METAP1D: variants seen among roughly 807,000 people sequenced by gnomAD.
METAP1D encodes the protein methionine aminopeptidase 1D, mitochondrial.
In METAP1D, 31 loss-of-function variants were observed where a neutral mutation model predicts 40.5. The ratio of observed to expected loss-of-function variants is 0.77; its 90% CI spans 0.58 to 1.03. The LOEUF (loss-of-function observed/expected upper bound fraction) is 1.03. METAP1D is among the 50% of genes least tolerant of loss of function. METAP1D has a pLI of 0.00. For synonymous variants in METAP1D, 151 were observed against 146.4 expected, an observed-to-expected ratio of 1.03 and a Z score of -0.22; for missense variants, 411 against 420.7, an observed-to-expected ratio of 0.98 and a Z score of 0.20.
At chr2:172,072,845 T>C (rs1312283638) in intron 6 of METAP1D, among the ~76,000 whole-genome samples, 1 of 152,184 alleles carries the variant, frequency 6.6e-6, no homozygotes, top group African/African-American at 2.4e-5. Flanking sequence ...TTCTCCATCA[T>C]GAAAATGGTT....
chr2:172,005,913 T>C (rs1309549705), intron 1 of METAP1D, among the ~76,000 whole-genome samples: 1 of 152,028 alleles, frequency 6.6e-6, no homozygotes. Context: ...CCATTGAAAT[T>C]ATGAAATTTC....
intron 1 of METAP1D, among the ~76,000 whole-genome samples, chr2:172,049,054 G>A (rs1183000688): frequency 6.6e-6 from 1 of 152,086 alleles, no homozygotes; most frequent in Non-Finnish European, 1.5e-5. Context: ...GCGCAATCTT[G>A]GCTCACTGCA....
chr2:172,080,680 C>G lies in METAP1D; in HGVS notation c.*274C>G. 2 of 572,344 alleles carry G rather than the reference C, an allele frequency of 3.5e-6. No homozygotes were observed. Among genetic ancestry groups the G allele is most frequent in the Non-Finnish European group, 6.2e-6 (2 of 321,016 alleles). The allele number at this position is 572,344 out of a possible 1,614,324, so 35.5% of individuals were successfully genotyped here. A position where few individuals can be genotyped will look rare whatever the true frequency, so the allele number is the denominator to read the frequency against. On this transcript the variant is annotated 3_prime_UTR_variant, in exon 10 of 10. Coordinates refer to ENST00000315796, the MANE Select transcript of METAP1D (RefSeq NM_199227.3). ...CGCATCTGGAGGGGACTGGAGGAAACCCCCTTGTTGGAAGAGATTCCAAGA... is the reference window on the plus strand; with the variant it reads ...CGCATCTGGAGGGGACTGGAGGAAAGCCCCTTGTTGGAAGAGATTCCAAGA...
intron 1 of METAP1D, among the ~76,000 whole-genome samples, chr2:172,056,621 T>G (rs1230290753): frequency 6.6e-6 from 1 of 152,186 alleles, no homozygotes; most frequent in Non-Finnish European, 1.5e-5. Context: ...GTTGAATGAA[T>G]GAAGGCATTT....
At chr2:172,075,213 G>T (rs980803327) in intron 6 of METAP1D, among the ~76,000 whole-genome samples, 1 of 152,100 alleles carries the variant, frequency 6.6e-6, no homozygotes, top group East Asian at 1.9e-4. Context: ...CATATAAAAG[G>T]CCTCAAATCA....
chr2:172,002,313 G>A (rs1057146953), intron 1 of METAP1D, among the ~76,000 whole-genome samples: 1 of 151,928 alleles, frequency 6.6e-6, no homozygotes, highest in East Asian at 1.9e-4. Flanking sequence ...TATGTATTAG[G>A]TTGGTACAAA....
In METAP1D at chr2:172,081,758, A is replaced by T. The variant is rs1690722605; in HGVS notation, c.*1352A>T. On this transcript the variant is annotated 3_prime_UTR_variant, in exon 10 of 10. Transcript: ENST00000315796. The stretch of plus-strand genomic sequence containing the variant: ...GGTTTTGCAAAGCTGACATCCCTTA[A>T]AGATAACTTGGGCTTTCGGAAGCGG... 1 of 152,262 alleles carries T rather than the reference A, an allele frequency of 6.6e-6. No homozygotes were observed. Among genetic ancestry groups the T allele is most frequent in the Non-Finnish European group, 1.5e-5 (1 of 68,062 alleles). 9.4% of individuals were successfully genotyped at this position (152,262 alleles called of 1,614,324 possible).
intron 1 of METAP1D, among the ~76,000 whole-genome samples, chr2:172,013,369 G>C (rs1383812758): frequency 6.6e-6 from 1 of 152,200 alleles, no homozygotes; most frequent in Non-Finnish European, 1.5e-5. Context: ...CACCTTGGCA[G>C]ATTTCTTGAC....
intron 1 of METAP1D, among the ~76,000 whole-genome samples, chr2:172,017,643 A>T (rs550536917): frequency 0.019 from 2,857 of 152,172 alleles, 57 homozygotes; most frequent in Admixed American, 0.068. Context: ...TAGTCTTCAA[A>T]GATTAACAGT....
At chr2:172,017,235 T>TACACAC (rs370746234) in intron 1 of METAP1D, among the ~76,000 whole-genome samples, 1,777 of 139,448 alleles carry the variant, frequency 0.013, 22 homozygotes, top group Admixed American at 0.03. Context: ...TGAAAGGTTT[T>TACACAC]ACACACACAC....
chr2:172,032,534 G>A (rs932142636), intron 1 of METAP1D, among the ~76,000 whole-genome samples: 5 of 152,200 alleles, frequency 3.3e-5, no homozygotes, highest in African/African-American at 9.6e-5. Flanking sequence ...CCCTTAACTT[G>A]ATATATCCTG....
rs1380469266 is a variant in METAP1D, at chr2:172,080,104, C to T, written c.851-24C>T. ...TAACAAGAATCTGATGAGGTCACTG[C>T]AGTAAATATTTTTCCTCTTACAGAG... On this transcript the variant is annotated intron_variant, in intron 8 of 9. Coordinates refer to ENST00000315796, the MANE Select transcript of METAP1D (RefSeq NM_199227.3). 5 of 1,586,864 alleles carry T rather than the reference C, an allele frequency of 3.2e-6. No individual in the cohort carries two copies. In the South Asian group the frequency reaches 3.3e-5, roughly 11 times the overall value.
chr2:172,013,268 C>T (rs746533408), intron 1 of METAP1D, among the ~76,000 whole-genome samples: 3 of 152,196 alleles, frequency 2.0e-5, no homozygotes, highest in Non-Finnish European at 2.9e-5. Flanking sequence ...AGGTCCACCC[C>T]CTCCTGCCTC....
At position 172,071,055 on chromosome 2, in the gene METAP1D, T is replaced by C. The variant is rs770778845; in HGVS notation, c.689T>C (p.Ile230Thr). 6.2e-6 allele frequency: 10 copies of C among 1,610,372 alleles called. No individual in the cohort carries two copies. In the South Asian group the frequency reaches 8.8e-5, roughly 14 times the overall value. ...AGAGCAGGGGCTCCCTTCTCTGTAA[T>C]TGGAAACACAATCAGGTAAGCCTTA... ...ACRAGAPFSV[I>T]GNTISHITHQ... is the part of the protein sequence containing the mutation. Residue 230 changes from isoleucine (I) to threonine (T), a missense_variant, in exon 6 of 10, where the codon ATT (isoleucine) becomes ACT (threonine). By Grantham distance (89) the Ile-to-Thr change is moderately conservative (BLOSUM62 -1). Coordinates refer to ENST00000315796, the MANE Select transcript of METAP1D (RefSeq NM_199227.3).
intron 1 of METAP1D, among the ~76,000 whole-genome samples, chr2:172,056,447 T>A (rs769298882): frequency 1.6e-4 from 24 of 152,248 alleles, no homozygotes; most frequent in Non-Finnish European, 3.1e-4. Context: ...TTTTTCATCA[T>A]GCATAGCACT....
At chr2:172,071,749 C>T (rs1559021070) in intron 6 of METAP1D, among the ~76,000 whole-genome samples, 1 of 152,074 alleles carries the variant, frequency 6.6e-6, no homozygotes, top group Non-Finnish European at 1.5e-5. Context: ...AGTAGACATG[C>T]CGAATATATG....
intron 5 of METAP1D, among the ~76,000 whole-genome samples, chr2:172,066,982 C>A (rs1287202799): frequency 6.6e-6 from 1 of 152,134 alleles, no homozygotes; most frequent in Non-Finnish European, 1.5e-5. Flanking sequence ...AAGTAACAAG[C>A]CTAAGTAATT....
At chr2:172,057,752 T>G (rs1295969710) in intron 1 of METAP1D, among the ~76,000 whole-genome samples, 1 of 152,224 alleles carries the variant, frequency 6.6e-6, no homozygotes, top group Non-Finnish European at 1.5e-5. Context: ...TTCCTTTGTG[T>G]GCCTCAGTAT....
Position 172,043,102 on chromosome 2 carries a change from TATATATATA to T in METAP1D, c.41-18395_41-18387del, listed in dbSNP as rs1305403624. On this transcript the variant is annotated intron_variant, in intron 1 of 9. Transcript: ENST00000315796. ...GTGTACATATATTTACATACATATA[TATATATATA>T]TATATATTTTTTGGGATACAGGATC... 4.0e-5 allele frequency among the ~76,000 whole-genome samples: 2 copies of T among 50,284 alleles called. 1 individual carries two copies. The highest frequency in any genetic ancestry group is 1.3e-4 in the African/African-American group (2 of 15,340). 33.0% of individuals were successfully genotyped at this position (50,284 alleles called of 152,430 possible). A position where few individuals can be genotyped will look rare whatever the true frequency, so the allele number is the denominator to read the frequency against.
Sources: allele counts gnomAD v4.1 joint callset (sites outside exome capture counted in the v4.1 genomes callset), GRCh38; gene constraint gnomAD v4.1.1; transcripts MANE v1.5; gene names NCBI Gene and HGNC (gene_info 2026-07-23, HGNC 2026-07-21).